AK9: variants seen among roughly 807,000 people sequenced by gnomAD.
The protein encoded by AK9 is adenylate kinase domain containing 1.
AK9 carries 191 observed loss-of-function variants against 239.6 expected under a neutral mutation model. The observed-to-expected ratio is 0.80, with a 90% CI of 0.71 to 0.90. The LOEUF is 0.90. Among genes scored for constraint, AK9 ranks in the 40% least tolerant of loss-of-function variants. The pLI is 0.00. For missense variants in AK9, 1,995 were observed against 2,214.7 expected, an observed-to-expected ratio of 0.90 and a Z score of 1.99; for synonymous variants, 689 against 721.0, an observed-to-expected ratio of 0.96 and a Z score of 0.71.
chr6:109,548,517 C>A (rs778172875), intron 25 of AK9, among the ~76,000 whole-genome samples: 3 of 152,070 alleles, frequency 2.0e-5, no homozygotes, highest in African/African-American at 4.8e-5. Flanking sequence ...AAGGACAAGA[C>A]AATGTTGAAG....
At chr6:109,676,380 A>G (rs1284572154) in intron 1 of AK9, among the ~76,000 whole-genome samples, 3 of 152,134 alleles carry the variant, frequency 2.0e-5, no homozygotes, top group Non-Finnish European at 2.9e-5. Context: ...ACAGTTTTCA[A>G]CTTAGTCCAA....
At chr6:109,650,430 A>T (rs1223798987) in intron 8 of AK9, among the ~76,000 whole-genome samples, 6 of 152,160 alleles carry the variant, frequency 3.9e-5, no homozygotes, top group East Asian at 1.9e-4. Flanking sequence ...GGATATGAAC[A>T]GACACTTCTC....
intron 1 of AK9, among the ~76,000 whole-genome samples, chr6:109,682,808 C>T (rs1401880731): frequency 1.3e-5 from 2 of 152,170 alleles, no homozygotes; most frequent in African/African-American, 4.8e-5. Context: ...CAGCCGAATT[C>T]TACCAGAGGT....
chr6:109,579,520 A>G, intron 20 of AK9, 30 bp downstream of exon 20: 2 of 1,529,270 alleles, frequency 1.3e-6, no homozygotes, highest in East Asian at 4.9e-5. Flanking sequence ...ATACCATGAC[A>G]CATCATCAGT....
chr6:109,679,864 C>A (rs781642330), intron 1 of AK9, among the ~76,000 whole-genome samples: 15 of 152,104 alleles, frequency 9.9e-5, no homozygotes, highest in Non-Finnish European at 1.9e-4. Context: ...AGCAGAGGGA[C>A]CTGACTGTTA....
intron 8 of AK9, among the ~76,000 whole-genome samples, chr6:109,649,724 G>GA (rs563617599): frequency 1.8e-4 from 28 of 152,140 alleles, no homozygotes; most frequent in Non-Finnish European, 2.9e-4. Flanking sequence ...CACAGAATTG[G>GA]AAAAAACTAC....
At chr6:109,522,865 T>TAAGATGTG (rs955986819) in intron 29 of AK9, among the ~76,000 whole-genome samples, 1 of 152,170 alleles carries the variant, frequency 6.6e-6, no homozygotes, top group Non-Finnish European at 1.5e-5. Flanking sequence ...CACTTCTATT[T>TAAGATGTG]AAGATGTGAA....
chr6:109,680,213 G>A (rs1371668500), intron 1 of AK9, among the ~76,000 whole-genome samples: 3 of 152,164 alleles, frequency 2.0e-5, no homozygotes, highest in Admixed American at 2.0e-4. Context: ...TTGATAAAAG[G>A]TTAGATGAAT....
rs780416049 is a variant in AK9 at position 109,495,460 on chromosome 6, T to C, written c.5316-20A>G. The C allele has an allele frequency of 1.9e-6, 3 of 1,563,468 alleles. No individual in the cohort carries two copies. Among genetic ancestry groups the C allele is most frequent in the East Asian group, 4.5e-5 (2 of 44,600 alleles). ...GGCGACCTAAGAACACAAAGTTCAT[T>C]AGATGGATGCTCACAGTTATACTCA... On this transcript the variant is annotated intron_variant, in intron 38 of 40. Coordinates refer to ENST00000424296, the MANE Select transcript of AK9 (RefSeq NM_001145128.3).
At chr6:109,641,696 C>A in intron 9 of AK9, 80 bp from the exon 10 acceptor site, 1 of 1,239,042 alleles carries the variant, frequency 8.1e-7, no homozygotes. Flanking sequence ...GGCTTATGAG[C>A]CAAGACCATG....
intron 1 of AK9, among the ~76,000 whole-genome samples, chr6:109,689,346 A>T (rs1562622521): frequency 1.3e-5 from 2 of 152,330 alleles, no homozygotes; most frequent in South Asian, 2.1e-4. Context: ...CCCCATATCC[A>T]CTTGACATAC....
At chr6:109,614,991 T>A (rs190495605) in intron 13 of AK9, among the ~76,000 whole-genome samples, 34 of 152,346 alleles carry the variant, frequency 2.2e-4, no homozygotes, top group African/African-American at 7.9e-4. Context: ...AGAGATAGCA[T>A]CTATTGCTAT....
At chr6:109,675,253 G>T (rs1182808060) in intron 2 of AK9, among the ~76,000 whole-genome samples, 1 of 152,146 alleles carries the variant, frequency 6.6e-6, no homozygotes, top group Non-Finnish European at 1.5e-5. Context: ...CAGTGTTTTG[G>T]TAAGTTAATT....
At chr6:109,593,766 C>T (rs142474079) in intron 17 of AK9, among the ~76,000 whole-genome samples, 179 of 152,288 alleles carry the variant, frequency 1.2e-3, no homozygotes, top group African/African-American at 4.1e-3. Context: ...ACAAAAACCA[C>T]ATGATTATCT....
intron 17 of AK9, among the ~76,000 whole-genome samples, chr6:109,602,891 C>T (rs1402962606): frequency 2.0e-5 from 3 of 152,164 alleles, no homozygotes; most frequent in African/African-American, 7.2e-5. Flanking sequence ...GTATTCGTCA[C>T]GTAGTTCTCG....
intron 27 of AK9, among the ~76,000 whole-genome samples, chr6:109,535,935 T>C (rs1267850949): frequency 2.0e-5 from 3 of 152,258 alleles, no homozygotes; most frequent in Non-Finnish European, 4.4e-5. Flanking sequence ...GTATTACCTC[T>C]GAGGGCTCTG....
At chr6:109,498,937 G>A in intron 36 of AK9, 107 bp downstream of exon 36, 1 of 929,592 alleles carries the variant, frequency 1.1e-6, no homozygotes, top group South Asian at 2.6e-5. Flanking sequence ...TCCAGTAATG[G>A]GGCTCCTAGT....
Position 109,540,688 on chromosome 6 carries a change from C to T in AK9, c.3350+1359G>A, listed in dbSNP as rs186368807. 1.1e-3 allele frequency among the ~76,000 whole-genome samples: 172 copies of T among 152,242 alleles called. 2 individuals carry two copies. The highest frequency in any genetic ancestry group is 1.1e-3 in the Non-Finnish European group (77 of 68,018). On this transcript the variant is annotated intron_variant, in intron 27 of 40. Coordinates refer to ENST00000424296, the MANE Select transcript of AK9 (RefSeq NM_001145128.3). Reference sequence around the variant, plus strand: ...AAATTCAGAAATCACCTGTCCTCTCCGTCGCTCACACTGGGAGCTGTAGAC... The same window carrying T: ...AAATTCAGAAATCACCTGTCCTCTCTGTCGCTCACACTGGGAGCTGTAGAC...
intron 17 of AK9, among the ~76,000 whole-genome samples, chr6:109,608,360 G>A (rs1017471776): frequency 6.6e-6 from 1 of 150,510 alleles, no homozygotes; most frequent in Non-Finnish European, 1.5e-5. Context: ...GGAACAGAAC[G>A]AAGAGTCTAT....
Sources: allele counts gnomAD v4.1 joint callset (sites outside exome capture counted in the v4.1 genomes callset), GRCh38; gene constraint gnomAD v4.1.1; transcripts MANE v1.5; gene names NCBI Gene and HGNC (gene_info 2026-07-23, HGNC 2026-07-21).